Variants in NALF1 observed in about 807,000 individuals in gnomAD.
NALF1 encodes NALCN channel auxiliary factor 1, also known as family with sequence similarity 155 member A.
In NALF1, 3 loss-of-function variants were observed where a neutral mutation model predicts 48.4. That is an observed-to-expected ratio of 0.06 (90% CI 0.03 to 0.16). NALF1 has a LOEUF of 0.16. NALF1 is among the 10% of genes least tolerant of loss of function. NALF1 has a pLI of 1.00. For missense variants in NALF1, 526 were observed against 571.5 expected (o/e 0.92, Z 0.81); for synonymous variants, 262 against 245.7 (o/e 1.07, Z -0.62).
chr13:107,514,310 C>T (rs903905169), intron 1 of NALF1, among the ~76,000 whole-genome samples: 1 of 152,126 alleles, frequency 6.6e-6, no homozygotes, highest in Admixed American at 6.6e-5. Flanking sequence ...TACTTTCCTA[C>T]AGGTCCAAGG....
At chr13:107,517,546 C>T (rs1031265607) in intron 1 of NALF1, among the ~76,000 whole-genome samples, 4 of 152,032 alleles carry the variant, frequency 2.6e-5, no homozygotes, top group Non-Finnish European at 4.4e-5. Context: ...GCAGGAGAAT[C>T]GCTTGAACCT....
At chr13:107,257,788 T>A (rs1203246881) in intron 1 of NALF1, among the ~76,000 whole-genome samples, 1 of 151,344 alleles carries the variant, frequency 6.6e-6, no homozygotes, top group African/African-American at 2.4e-5. Flanking sequence ...TGGTGGGAGG[T>A]AGGGGATGGG....
At chr13:107,327,137 A>G (rs1000597795) in intron 1 of NALF1, among the ~76,000 whole-genome samples, 2 of 152,188 alleles carry the variant, frequency 1.3e-5, no homozygotes. Flanking sequence ...ATAATTTTAA[A>G]AAGTTATAGT....
At chr13:107,519,773 C>T (rs1876176289) in intron 1 of NALF1, among the ~76,000 whole-genome samples, 1 of 152,136 alleles carries the variant, frequency 6.6e-6, no homozygotes, top group East Asian at 1.9e-4. Flanking sequence ...TTACAGCCAA[C>T]TGTCTTGATA....
intron 1 of NALF1, among the ~76,000 whole-genome samples, chr13:107,628,477 G>T (rs991699882): frequency 2.0e-5 from 3 of 152,078 alleles, no homozygotes; most frequent in African/African-American, 7.2e-5. Context: ...GGCTCAGTTG[G>T]AAACTGAGGC....
intron 1 of NALF1, among the ~76,000 whole-genome samples, chr13:107,330,146 G>A (rs999198734): frequency 6.6e-6 from 1 of 152,102 alleles, no homozygotes; most frequent in African/African-American, 2.4e-5. Context: ...GGCACTTCAG[G>A]GCTGTAGCCT....
chr13:107,729,059 G>A (rs1876237877), intron 1 of NALF1, among the ~76,000 whole-genome samples: 1 of 152,124 alleles, frequency 6.6e-6, no homozygotes, highest in African/African-American at 2.4e-5. Flanking sequence ...TAGCCTTTGA[G>A]GAGAAAATAT....
chr13:107,676,669 C>T (rs967324546), intron 1 of NALF1, among the ~76,000 whole-genome samples: 1 of 150,402 alleles, frequency 6.6e-6, no homozygotes, highest in Non-Finnish European at 1.5e-5. Context: ...ATTCTAGCTA[C>T]AATTTACAGA....
intron 1 of NALF1, among the ~76,000 whole-genome samples, chr13:107,216,833 C>T (rs1386130309): frequency 3.3e-5 from 5 of 152,132 alleles, no homozygotes. Context: ...GCCCAGTTGG[C>T]CAATCAGGGT....
At chr13:107,672,599 G>A (rs1266283817) in intron 1 of NALF1, among the ~76,000 whole-genome samples, 2 of 152,186 alleles carry the variant, frequency 1.3e-5, no homozygotes, top group African/African-American at 2.4e-5. Flanking sequence ...ACCCTTAGCA[G>A]AACAGGCAAT....
At chr13:107,769,241 G>A (rs1187605837) in intron 1 of NALF1, among the ~76,000 whole-genome samples, 6 of 148,598 alleles carry the variant, frequency 4.0e-5, no homozygotes, top group African/African-American at 7.5e-5. Flanking sequence ...ACATGCACAC[G>A]TATGTTTACT....
intron 1 of NALF1, among the ~76,000 whole-genome samples, chr13:107,267,812 C>A (rs1251384733): frequency 1.3e-5 from 2 of 152,194 alleles, no homozygotes; most frequent in African/African-American, 4.8e-5. Flanking sequence ...CCACACCAGT[C>A]GATCTGATAA....
chr13:107,233,830 C>A (rs1880280832), intron 1 of NALF1, among the ~76,000 whole-genome samples: 1 of 152,190 alleles, frequency 6.6e-6, no homozygotes, highest in African/African-American at 2.4e-5. Flanking sequence ...AAAATACATA[C>A]ATACAGAGTG....
intron 1 of NALF1, among the ~76,000 whole-genome samples, chr13:107,516,694 C>T (rs1225432084): frequency 6.6e-6 from 1 of 152,102 alleles, no homozygotes; most frequent in Non-Finnish European, 1.5e-5. Context: ...CATGCAGGGA[C>T]TCTGAGTGCA....
At chr13:107,757,850 A>C (rs772053793) in intron 1 of NALF1, among the ~76,000 whole-genome samples, 12 of 152,216 alleles carry the variant, frequency 7.9e-5, no homozygotes, top group Admixed American at 7.2e-4. Flanking sequence ...AATTTGAAAA[A>C]TTCTGTCAAA....
At chr13:107,806,849 T>C (rs1022962697) in intron 1 of NALF1, among the ~76,000 whole-genome samples, 1 of 152,206 alleles carries the variant, frequency 6.6e-6, no homozygotes, top group African/African-American at 2.4e-5. Flanking sequence ...TAAAAACCCC[T>C]GATTCATGGG....
At chr13:107,239,390 A>G (rs532655919) in intron 1 of NALF1, among the ~76,000 whole-genome samples, 5 of 152,304 alleles carry the variant, frequency 3.3e-5, no homozygotes, top group Non-Finnish European at 5.9e-5. Flanking sequence ...CTCTGGTCAC[A>G]TGGCCTTCTC....
At chr13:107,514,523 T>C (rs954388416) in intron 1 of NALF1, among the ~76,000 whole-genome samples, 2 of 152,148 alleles carry the variant, frequency 1.3e-5, no homozygotes, top group Admixed American at 1.3e-4. Flanking sequence ...GGGCCCAGGT[T>C]TGAAGGCCAG....
chr13:107,770,090 T>G (rs1877536272), intron 1 of NALF1, among the ~76,000 whole-genome samples: 2 of 152,156 alleles, frequency 1.3e-5, no homozygotes, highest in African/African-American at 4.8e-5. Context: ...TTTTTTGTAT[T>G]TTTTAGTAGA....
Sources: gnomAD v4.1 joint callset for allele counts (sites outside exome capture counted in the v4.1 genomes callset) on GRCh38, gnomAD v4.1.1 for gene constraint, MANE v1.5 for transcripts, NCBI Gene and HGNC (gene_info 2026-07-23, HGNC 2026-07-21) for gene names.